GARNL3: variants seen among roughly 807,000 people sequenced by gnomAD.
GARNL3 encodes GTPase activating Rap/RanGAP domain like 3, also known as GTPase-activating Rap/Ran-GAP domain-like protein 3.
In GARNL3, 63 loss-of-function variants were observed where a neutral mutation model predicts 125.0. That is an observed-to-expected ratio of 0.50 (90% confidence interval 0.41 to 0.62). The LOEUF (loss-of-function observed/expected upper bound fraction) is 0.62. GARNL3 is among the 20% of genes least tolerant of loss of function. The probability of loss-of-function intolerance (pLI) is 0.00; values close to 1 mark genes in which losing one functional copy is unlikely to be tolerated. For synonymous variants in GARNL3, 439 were observed against 457.5 expected (o/e 0.96, Z 0.52); for missense variants, 994 against 1,244.0 (o/e 0.80, Z 3.02).
At chr9:127,348,574 C>T (rs1830263816) in intron 16 of GARNL3, among the ~76,000 whole-genome samples, 3 of 152,142 alleles carry the variant, frequency 2.0e-5, no homozygotes, top group Non-Finnish European at 2.9e-5. Context: ...AATATGAATT[C>T]TCTAAAACAG....
At chr9:127,281,066 C>G (rs766498634) in intron 1 of GARNL3, among the ~76,000 whole-genome samples, 5 of 152,070 alleles carry the variant, frequency 3.3e-5, no homozygotes, top group Non-Finnish European at 7.4e-5. Context: ...GAGCGAGTGA[C>G]TTGACTTGGT....
chr9:127,334,483 G>A (rs1041551900), intron 9 of GARNL3, among the ~76,000 whole-genome samples: 5 of 152,244 alleles, frequency 3.3e-5, no homozygotes, highest in Admixed American at 3.3e-4. Flanking sequence ...CAGATGCAGG[G>A]ATAGGGGATT....
intron 5 of GARNL3, among the ~76,000 whole-genome samples, chr9:127,319,358 T>C (rs2065330955): frequency 6.6e-6 from 1 of 152,064 alleles, no homozygotes; most frequent in Admixed American, 6.5e-5. Flanking sequence ...GGCACACACC[T>C]GTAGTCTCAG....
chr9:127,323,015 G>A (rs765786985), intron 6 of GARNL3, among the ~76,000 whole-genome samples: 4 of 152,100 alleles, frequency 2.6e-5, no homozygotes, highest in Non-Finnish European at 4.4e-5. Flanking sequence ...AACCGGTAGA[G>A]CTAAATTTGA....
intron 2 of GARNL3, among the ~76,000 whole-genome samples, chr9:127,308,547 C>CAA (rs200770673): frequency 2.9e-5 from 4 of 135,970 alleles, no homozygotes; most frequent in Non-Finnish European, 1.6e-5. Flanking sequence ...AAAATGGAAA[C>CAA]AAAAAAAAAA....
At chr9:127,317,993 G>A (rs915491991) in intron 4 of GARNL3, 70 bp from the exon 5 acceptor site, 1 of 901,398 alleles carries the variant, frequency 1.1e-6, no homozygotes, top group African/African-American at 1.6e-5. Context: ...TCTTTTGAAT[G>A]ACCCGAGAGG....
intron 1 of GARNL3, among the ~76,000 whole-genome samples, chr9:127,270,408 C>T (rs1419493057): frequency 1.3e-5 from 2 of 152,222 alleles, no homozygotes; most frequent in Non-Finnish European, 2.9e-5. Context: ...CCTACAAGAA[C>T]CTATGTGATC....
chr9:127,292,853 G>A (rs925671693), intron 2 of GARNL3, among the ~76,000 whole-genome samples: 1 of 152,172 alleles, frequency 6.6e-6, no homozygotes, highest in African/African-American at 2.4e-5. Context: ...ACTTCCCAGG[G>A]TTCAAATCAT....
At chr9:127,374,482 G>A (rs1831782539) in intron 22 of GARNL3, among the ~76,000 whole-genome samples, 1 of 152,092 alleles carries the variant, frequency 6.6e-6, no homozygotes, top group Non-Finnish European at 1.5e-5. Context: ...TGCATCAAAA[G>A]CATAATCCAT....
At chr9:127,340,000 C>T (rs1471676130) in intron 13 of GARNL3, among the ~76,000 whole-genome samples, 1 of 152,106 alleles carries the variant, frequency 6.6e-6, no homozygotes, top group East Asian at 1.9e-4. Flanking sequence ...GACCCTCGGG[C>T]CTCAAATTTG....
In GARNL3 at chr9:127,265,000, A is replaced by G; in HGVS notation, c.123A>G (p.Lys41=). 4 of 1,613,098 alleles carry G rather than the reference A, an allele frequency of 2.5e-6. No individual in the cohort carries two copies. Among genetic ancestry groups the G allele is most frequent in the Non-Finnish European group, 3.4e-6 (4 of 1,179,482 alleles). Residue 41 remains lysine, a synonymous_variant, in exon 1 of 28, where the codon AAA becomes AAG. Transcript: ENST00000373387. ...GTAGACGTGGGGATTTCAGTAGGAA[A>G]CATTATGGATCTGTGGAGCTGGTAA... ...LGCRRGDFSR[K]HYGSVELLIS... is the part of the protein sequence containing the mutation.
At chr9:127,231,542 T>TTA (rs1450489197) in intron 1 of GARNL3, among the ~76,000 whole-genome samples, 1 of 152,076 alleles carries the variant, frequency 6.6e-6, no homozygotes, top group Non-Finnish European at 1.5e-5. Context: ...ATTAACAGGG[T>TTA]TATATATTAG....
At chr9:127,357,487 C>T in intron 21 of GARNL3, 110 bp downstream of exon 21, 1 of 1,013,306 alleles carries the variant, frequency 9.9e-7, no homozygotes, top group Non-Finnish European at 1.4e-6. Flanking sequence ...ATGTACTATT[C>T]ATCACATCAG....
chr9:127,276,768 G>T (rs1474742780), intron 1 of GARNL3, among the ~76,000 whole-genome samples: 9 of 152,156 alleles, frequency 5.9e-5, no homozygotes, highest in Non-Finnish European at 2.9e-5. Context: ...AAATCCCATT[G>T]GTTCTATTAT....
At chr9:127,284,389 A>G (rs1030376543) in intron 1 of GARNL3, among the ~76,000 whole-genome samples, 1 of 151,880 alleles carries the variant, frequency 6.6e-6, no homozygotes, top group African/African-American at 2.4e-5. Flanking sequence ...CTTTATTATC[A>G]CTATATGTAT....
intron 2 of GARNL3, among the ~76,000 whole-genome samples, chr9:127,252,572 A>G (rs1436079614): frequency 6.6e-6 from 1 of 152,216 alleles, no homozygotes; most frequent in Non-Finnish European, 1.5e-5. Context: ...CATGAAGGCG[A>G]TGTTTATTGC....
At chr9:127,339,772 A>C (rs1418068527) in intron 13 of GARNL3, 21 bp downstream of exon 13, 11 of 1,469,630 alleles carry the variant, frequency 7.5e-6, no homozygotes, top group Non-Finnish European at 9.5e-6. Flanking sequence ...GTTTTGAAAC[A>C]ATTTTGCAAC....
At chr9:127,240,151 T>C (rs1041595407) in intron 1 of GARNL3, among the ~76,000 whole-genome samples, 2 of 152,036 alleles carry the variant, frequency 1.3e-5, no homozygotes, top group Non-Finnish European at 2.9e-5. Context: ...TGCATAAAGG[T>C]TTGCAGATAG....
intron 27 of GARNL3, 117 bp downstream of exon 27, chr9:127,390,884 A>AGGGCCAGCAGC (rs1244207894): frequency 1.9e-6 from 2 of 1,040,870 alleles, no homozygotes; most frequent in East Asian, 5.0e-5. Context: ...GCTACAGCAG[A>AGGGCCAGCAGC]GGGCCAGCAG....
Sources: allele counts gnomAD v4.1 joint callset (sites outside exome capture counted in the v4.1 genomes callset), GRCh38; gene constraint gnomAD v4.1.1; transcripts MANE v1.5; gene names NCBI Gene and HGNC (gene_info 2026-07-23, HGNC 2026-07-21).